The following STK3 variants were observed in gnomAD, a reference collection of about 807,000 sequenced individuals.
The protein encoded by STK3 is serine/threonine kinase 3, also known as serine/threonine-protein kinase 3.
Under a neutral mutation model 58.0 loss-of-function variants are expected in STK3, and 41 were observed. The ratio of observed to expected loss-of-function variants is 0.71; its 90% CI spans 0.55 to 0.92. STK3 has a LOEUF of 0.92. STK3 is among the 40% of genes least tolerant of loss of function. The pLI, the probability that STK3 is intolerant of heterozygous loss-of-function variation, is 0.00. For synonymous variants in STK3, 170 were observed against 191.0 expected, an observed-to-expected ratio of 0.89 and a Z score of 0.91; for missense variants, 479 against 602.7, an observed-to-expected ratio of 0.79 and a Z score of 2.15.
At chr8:98,571,227 G>A (rs1188953541) in intron 8 of STK3, among the ~76,000 whole-genome samples, 1 of 152,182 alleles carries the variant, frequency 6.6e-6, no homozygotes, top group Admixed American at 6.5e-5. Flanking sequence ...CTACCTGGGA[G>A]GCTGAGGCAG....
chr8:98,803,593 C>CA (rs34316563), intron 1 of STK3, among the ~76,000 whole-genome samples: 2,090 of 38,470 alleles, frequency 0.054, 127 homozygotes, highest in Middle Eastern at 0.12. Context: ...GACTCTGTTT[C>CA]AAAAAAAAAA....
chr8:98,860,276 T>C (rs1836879668), intron 3 of STK3, among the ~76,000 whole-genome samples: 1 of 152,170 alleles, frequency 6.6e-6, no homozygotes, highest in African/African-American at 2.4e-5. Context: ...ATGGAGTGGC[T>C]GGAGGTTGGT....
intron 10 of STK3, among the ~76,000 whole-genome samples, chr8:98,479,210 G>T (rs111408060): frequency 0.014 from 2,093 of 152,174 alleles, 46 homozygotes; most frequent in Non-Finnish European, 0.017. Context: ...AGAAGCGGCC[G>T]GGTGCGGTGG....
chr8:98,616,685 TA>T (rs1817755911), intron 6 of STK3, among the ~76,000 whole-genome samples: 1 of 151,304 alleles, frequency 6.6e-6, no homozygotes, highest in Admixed American at 6.6e-5. Flanking sequence ...AAACAGACGT[TA>T]AACCAACAAA....
intron 3 of STK3, among the ~76,000 whole-genome samples, chr8:98,423,635 T>C (rs1194212165): frequency 2.0e-5 from 3 of 152,128 alleles, no homozygotes; most frequent in Non-Finnish European, 4.4e-5. Context: ...TGGACACAGG[T>C]GAACTGTCCA....
chr8:98,751,028 A>C (rs1829942424), intron 3 of STK3, among the ~76,000 whole-genome samples: 1 of 152,220 alleles, frequency 6.6e-6, no homozygotes, highest in South Asian at 2.1e-4. Flanking sequence ...TAGATACAGA[A>C]AAGGCTTTCG....
rs554893958 is a variant in STK3 at position 98,534,330 on chromosome 8, A to G, written c.1142-7413T>C. 7.2e-5 allele frequency among the ~76,000 whole-genome samples: 11 copies of G among 152,280 alleles called. No homozygotes were observed. The South Asian group carries it at 2.3e-3, about 32-fold the overall frequency. On this transcript the variant is annotated intron_variant, in intron 9 of 10. Transcript: ENST00000419617. ...ATTTAAGATAGTATAAAACACCAAT[A>G]TTTGTGGTAAACCTTTAGAACTTAG...
chr8:98,667,528 G>A (rs771720596), intron 6 of STK3, among the ~76,000 whole-genome samples: 36 of 152,018 alleles, frequency 2.4e-4, no homozygotes, highest in Admixed American at 2.4e-3. Context: ...AATTTTAACT[G>A]TAACAAATTT....
chr8:98,825,795 GCCGCCCCGCCCCGCCCC>G, upstream of STK3: 1 of 54,358 alleles, frequency 1.8e-5, no homozygotes, highest in African/African-American at 7.2e-5. Flanking sequence ...CCCGCCCCCG[GCCGCCCCGCCCCGCCCC>G]CGGCCGCCCC....
At chr8:98,758,229 A>G (rs553662605) in intron 3 of STK3, among the ~76,000 whole-genome samples, 2 of 152,250 alleles carry the variant, frequency 1.3e-5, no homozygotes, top group Non-Finnish European at 2.9e-5. Context: ...TATAAAGATG[A>G]GCTGGTACCA....
chr8:98,550,465 G>C (rs1811069396), intron 8 of STK3, among the ~76,000 whole-genome samples: 1 of 152,036 alleles, frequency 6.6e-6, no homozygotes, highest in Admixed American at 6.6e-5. Context: ...TCTCCTATCT[G>C]TCTCCATCCC....
intron 3 of STK3, among the ~76,000 whole-genome samples, chr8:98,762,097 G>A (rs1359257668): frequency 6.6e-6 from 1 of 152,088 alleles, no homozygotes; most frequent in East Asian, 1.9e-4. Context: ...CAAACATGAG[G>A]TGTTAGATAT....
At chr8:98,937,140 T>G (rs748374943) in intron 1 of STK3, among the ~76,000 whole-genome samples, 4 of 152,206 alleles carry the variant, frequency 2.6e-5, no homozygotes, top group African/African-American at 9.7e-5. Flanking sequence ...CCCAAAAAAC[T>G]ATGAGGATGG....
chr8:98,857,842 A>T (rs1039796865), intron 3 of STK3, among the ~76,000 whole-genome samples: 15 of 152,164 alleles, frequency 9.9e-5, no homozygotes, highest in African/African-American at 2.7e-4. Context: ...TTACAGGATT[A>T]AAAAAAGCTG....
intron 1 of STK3, among the ~76,000 whole-genome samples, chr8:98,912,244 T>G (rs1839164989): frequency 6.6e-6 from 1 of 152,092 alleles, no homozygotes. Flanking sequence ...CCCGATGTGG[T>G]GGCGCACGCC....
chr8:98,360,786 G>T, the STK3 span, among the ~76,000 whole-genome samples: 1 of 152,188 alleles, frequency 6.6e-6, no homozygotes, highest in Non-Finnish European at 1.5e-5. Context: ...AAGGCTAGTG[G>T]CTCTCTTGGC....
At chr8:98,394,081 A>C (rs1037982362) in intron 3 of STK3, among the ~76,000 whole-genome samples, 15 of 152,134 alleles carry the variant, frequency 9.9e-5, no homozygotes, top group African/African-American at 3.6e-4. Context: ...GAGCAGCAGG[A>C]TAAGATTGTG....
At chr8:98,553,562 C>A (rs1040313851) in intron 8 of STK3, among the ~76,000 whole-genome samples, 5 of 152,106 alleles carry the variant, frequency 3.3e-5, no homozygotes, top group Admixed American at 2.6e-4. Context: ...AGATATTATA[C>A]TTTGGGACAG....
At chr8:98,410,289 C>T (rs576855482) in intron 3 of STK3, among the ~76,000 whole-genome samples, 6 of 152,086 alleles carry the variant, frequency 3.9e-5, no homozygotes, top group African/African-American at 7.2e-5. Flanking sequence ...CTCATGTGAA[C>T]GCCGTCCTCT....
Sources: allele counts gnomAD v4.1 joint callset (sites outside exome capture counted in the v4.1 genomes callset), GRCh38; gene constraint gnomAD v4.1.1; transcripts MANE v1.5; gene names NCBI Gene and HGNC (gene_info 2026-07-23, HGNC 2026-07-21).